The following EBF4 variants were observed in gnomAD, a reference collection of about 807,000 sequenced individuals.
The protein encoded by EBF4 is EBF transcription factor 4.
A neutral mutation model predicts 67.1 loss-of-function variants in EBF4; 34 were observed. The observed-to-expected ratio is 0.51, with a 90% CI of 0.39 to 0.67. The LOEUF (loss-of-function observed/expected upper bound fraction) is 0.67. EBF4 is among the 30% of genes least tolerant of loss of function. EBF4 has a pLI of 0.00. For synonymous variants in EBF4, 387 were observed against 377.7 expected (o/e 1.02, Z -0.29); for missense variants, 837 against 873.3 (o/e 0.96, Z 0.52).
chr20:2,706,094 A>G, intron 3 of EBF4, 57 bp downstream of exon 3: 1 of 1,548,390 alleles, frequency 6.5e-7, no homozygotes, highest in Non-Finnish European at 8.7e-7. Context: ...GCACTGCAGC[A>G]TCATGCGACA....
intron 15 of EBF4, among the ~76,000 whole-genome samples, chr20:2,757,661 A>G (rs1453334306): frequency 1.3e-5 from 2 of 152,200 alleles, no homozygotes; most frequent in Non-Finnish European, 2.9e-5. Context: ...TAAGAACATA[A>G]CATGGCCAGA....
intron 6 of EBF4, among the ~76,000 whole-genome samples, chr20:2,748,057 G>A (rs1405263023): frequency 6.6e-6 from 1 of 152,122 alleles, no homozygotes; most frequent in Non-Finnish European, 1.5e-5. Flanking sequence ...GGAGGGATGT[G>A]TTGTATAACA....
intron 3 of EBF4, 53 bp from the exon 4 acceptor site, chr20:2,706,156 T>C (rs2087455019): frequency 6.4e-7 from 1 of 1,551,142 alleles, no homozygotes; most frequent in South Asian, 1.2e-5. Flanking sequence ...GTCTGGTCAT[T>C]GAGGCTGCAC....
intron 6 of EBF4, among the ~76,000 whole-genome samples, chr20:2,712,678 G>A (rs2087559809): frequency 6.6e-6 from 1 of 152,174 alleles, no homozygotes; most frequent in Admixed American, 6.5e-5. Context: ...GGGGATGAGT[G>A]TTGATAGCAA....
rs577439411 is a variant in EBF4, at chr20:2,723,579, G to C, written c.557+13937G>C. Among the ~76,000 whole-genome samples the C allele has an allele frequency of 9.8e-4, 149 of 152,230 alleles. 1 individual carries two copies. The highest frequency in any genetic ancestry group is 3.4e-3 in the African/African-American group (141 of 41,550). ...TTAGCCAGGATGGTCTCCATCTCCT[G>C]ACCTCGTGATCCACCCGCCTCGGCC... On this transcript the variant is annotated intron_variant, in intron 6 of 16. Coordinates refer to ENST00000609451, the Ensembl canonical transcript of EBF4.
exon 8 of EBF4, chr20:2,749,430 C>T: frequency 1.9e-6 from 3 of 1,546,110 alleles, no homozygotes; most frequent in Non-Finnish European, 2.6e-6. Flanking sequence ...TGAGCGTGGA[C>T]GGACACGTGC....
chr20:2,751,714 A>C lies in EBF4; in HGVS notation c.1033A>C (p.Thr345Pro). The change falls in exon 11 of 17, where the codon ACC becomes CCC. Residue 345 changes from threonine to proline, a missense_variant. By Grantham distance (38) the Thr-to-Pro change is conservative (BLOSUM62 -1). Around this residue, in one of 3 missense-constraint regions of EBF4, gnomAD observed 525 missense variants for 496.5 expected, o/e 1.06. Transcript: ENST00000609451. The surrounding 1 kb of genome is among the most constrained non-coding windows in gnomAD (Gnocchi z 5.2). ...CCCTTCCCCAGCTCTGAACGAGCCCACCATTGACTACGGATTCCAGAGGCT... is the reference window on the plus strand; with the variant it reads ...CCCTTCCCCAGCTCTGAACGAGCCCCCCATTGACTACGGATTCCAGAGGCT... 1 of 1,549,230 alleles carries C rather than the reference A, an allele frequency of 6.5e-7. No individual in the cohort carries two copies.
rs1437429908 is a variant in EBF4, at chr20:2,696,825, G to A, written c.137+3043G>A. On this transcript the variant is annotated intron_variant, in intron 1 of 16. Transcript: ENST00000609451. This position sits in a 1 kb window ranked among gnomAD's most constrained non-coding sequence, Gnocchi z 4.7. ...CGGGAGTGGCTTTAATGCTGCCTAC[G>A]AATGCTTACCATAGGCCAGCATCTG... 6.6e-6 allele frequency among the ~76,000 whole-genome samples: 1 copy of A among 152,012 alleles called. No homozygotes were observed. Among genetic ancestry groups the A allele is most frequent in the East Asian group, 1.9e-4 (1 of 5,178 alleles).
rs748104561 is a variant in EBF4, at chr20:2,749,830, C to G, written c.892-17C>G. 8.4e-6 allele frequency: 13 copies of G among 1,546,178 alleles called. No individual in the cohort carries two copies. The highest frequency in any genetic ancestry group is 1.1e-5 in the Non-Finnish European group (13 of 1,144,138). ...TCGCCGGTGCGGGACCTGCAGGCCT[C>G]CCCTCTCCCCTCGCAGCTCATCACG... On this transcript the variant is annotated splice_polypyrimidine_tract_variant and intron_variant, in intron 9 of 16. Coordinates refer to ENST00000609451, the Ensembl canonical transcript of EBF4.
chr20:2,750,098 G>A, intron 10 of EBF4, 125 bp downstream of exon 10: 1 of 1,360,194 alleles, frequency 7.4e-7, no homozygotes, highest in Non-Finnish European at 9.7e-7. Context: ...ACCCCTAGAC[G>A]GCCCCGGGCC....
intron 4 of EBF4, among the ~76,000 whole-genome samples, chr20:2,706,892 T>C (rs761399170): frequency 2.3e-4 from 35 of 152,308 alleles, no homozygotes; most frequent in Middle Eastern, 3.4e-3. Context: ...ACCTTGCTGA[T>C]GTGACGGTTA....
intron 6 of EBF4, among the ~76,000 whole-genome samples, chr20:2,738,028 C>G (rs1259439484): frequency 6.6e-6 from 1 of 152,008 alleles, no homozygotes; most frequent in Non-Finnish European, 1.5e-5. Context: ...AACCAGAGCC[C>G]ACAGTCAGGG....
chr20:2,717,355 T>G (rs1400998144), intron 6 of EBF4, among the ~76,000 whole-genome samples: 1 of 152,096 alleles, frequency 6.6e-6, no homozygotes, highest in Non-Finnish European at 1.5e-5. Context: ...TAAATAATTA[T>G]TGTAAGTCTT....
At chr20:2,706,309 C>A in intron 4 of EBF4, 45 bp downstream of exon 4, 1 of 1,549,170 alleles carries the variant, frequency 6.5e-7, no homozygotes, top group Non-Finnish European at 8.7e-7. Flanking sequence ...ACTCTCTTCC[C>A]GGACCCTGCC....
intron 2 of EBF4, 83 bp downstream of exon 2, chr20:2,705,816 C>A: frequency 7.2e-7 from 1 of 1,388,870 alleles, no homozygotes; most frequent in Non-Finnish European, 9.8e-7. Context: ...CACACACACA[C>A]ACACACACAC....
intron 6 of EBF4, among the ~76,000 whole-genome samples, chr20:2,726,051 G>T (rs2146434529): frequency 6.6e-6 from 1 of 152,142 alleles, no homozygotes; most frequent in East Asian, 1.9e-4. Flanking sequence ...GTGAAAGGTA[G>T]AAAATAAGGC....
Position 2,693,671 on chromosome 20 carries a change from C to G in EBF4, c.26C>G (p.Pro9Arg). The stretch of plus-strand genomic sequence containing the variant: ...ATGTTCCCTGCGCAGGACGCTCTGC[C>G]CCGCAGCGGGCTGAACCTGAAGGAG... The change falls in exon 1 of 17, where the codon CCC (proline) becomes CGC (arginine). Residue 9 changes from proline to arginine, a missense_variant. Coordinates refer to ENST00000609451, the Ensembl canonical transcript of EBF4. This position sits in a 1 kb window ranked among gnomAD's most constrained non-coding sequence, Gnocchi z 4.6. The G allele has an allele frequency of 6.9e-7, 1 of 1,446,096 alleles. No individual in the cohort carries two copies. The highest frequency in any genetic ancestry group is 9.0e-7 in the Non-Finnish European group (1 of 1,105,894). The allele number at this position is 1,446,096 out of a possible 1,614,324, so 89.6% of individuals were successfully genotyped here.
exon 4 of EBF4, chr20:2,706,211 C>T (rs1181497351): frequency 3.2e-6 from 5 of 1,552,102 alleles, no homozygotes; most frequent in Non-Finnish European, 4.4e-6. Flanking sequence ...CATCCTAGGA[C>T]TGCGGACAGA....
In EBF4 at chr20:2,739,149, C is replaced by T. The variant is rs1021864973; in HGVS notation, c.558-9400C>T. 1.3e-5 allele frequency among the ~76,000 whole-genome samples: 2 copies of T among 152,190 alleles called. No individual in the cohort carries two copies. Among genetic ancestry groups the T allele is most frequent in the Admixed American group, 6.5e-5 (1 of 15,286 alleles). Reference sequence around the variant, plus strand: ...TCCTCATTTCCCTTCCCTTCTCTAGCGTAGGCCCTTTGGTGCCTGTTTCTG... The same window carrying T: ...TCCTCATTTCCCTTCCCTTCTCTAGTGTAGGCCCTTTGGTGCCTGTTTCTG... On this transcript the variant is annotated intron_variant, in intron 6 of 16. Transcript: ENST00000609451. This position sits in a 1 kb window ranked among gnomAD's most constrained non-coding sequence, Gnocchi z 4.5.
Sources: gnomAD v4.1 joint callset for allele counts (sites outside exome capture counted in the v4.1 genomes callset) on GRCh38, gnomAD v4.1.1 for gene constraint, gnomAD v4.1.1 regional missense constraint, Gnocchi (gnomAD v3.1) non-coding constraint, MANE v1.5 for transcripts, NCBI Gene and HGNC (gene_info 2026-07-23, HGNC 2026-07-21) for gene names.